The following RTL4 variants were observed in gnomAD, a reference collection of about 807,000 sequenced individuals.
RTL4 encodes retrotransposon Gag like 4, also known as retrotransposon Gag-like protein 4.
In RTL4, 4 loss-of-function variants were observed where a neutral mutation model predicts 5.3. The ratio of observed to expected loss-of-function variants is 0.75; its 90% CI spans 0.37 to 1.72. The LOEUF is 1.72. RTL4 is among the 40% of genes most tolerant of loss of function. RTL4 has a pLI of 0.04. For missense variants in RTL4, 260 were observed against 227.1 expected, an observed-to-expected ratio of 1.14 and a Z score of -0.93; for synonymous variants, 98 against 87.3, an observed-to-expected ratio of 1.12 and a Z score of -0.68.
chrX:112,281,498 A>T, the RTL4 span, among the ~76,000 whole-genome samples: 5 of 111,590 alleles, frequency 4.5e-5, no homozygotes, highest in Admixed American at 3.8e-4. Flanking sequence ...TCCTTTGGAC[A>T]TATACCCAGT....
At chrX:112,390,160 T>TATATATATATA in the RTL4 span, among the ~76,000 whole-genome samples, 4 of 56,220 alleles carry the variant, frequency 7.1e-5, no homozygotes, top group African/African-American at 1.4e-4. Context: ...TATATATATA[T>TATATATATATA]TTAGGATCGT....
the RTL4 span, among the ~76,000 whole-genome samples, chrX:112,148,396 C>A: frequency 1.9e-4 from 21 of 109,681 alleles, no homozygotes; most frequent in East Asian, 5.5e-3. Context: ...GAAATACAGG[C>A]AATAGCCTGC....
At chrX:112,150,693 G>C in the RTL4 span, among the ~76,000 whole-genome samples, 2 of 111,833 alleles carry the variant, frequency 1.8e-5, no homozygotes, top group Non-Finnish European at 3.8e-5. Flanking sequence ...TTGTTGCTTA[G>C]TATTTGCATA....
chrX:112,290,253 CG>C, the RTL4 span, among the ~76,000 whole-genome samples: 4 of 111,943 alleles, frequency 3.6e-5, no homozygotes, highest in African/African-American at 1.3e-4. Context: ...ATTTATAAAC[CG>C]GGGCTATATT....
the RTL4 span, among the ~76,000 whole-genome samples, chrX:112,138,340 A>G: frequency 1.8e-5 from 2 of 112,157 alleles, no homozygotes; most frequent in Admixed American, 1.9e-4. Flanking sequence ...CATAGTGTCT[A>G]TAGTTAGCAA....
chrX:112,284,858 G>A, the RTL4 span, among the ~76,000 whole-genome samples: 1 of 111,581 alleles, frequency 9.0e-6, no homozygotes, highest in East Asian at 2.8e-4. Context: ...ACGCTCTAGA[G>A]CCTTAATTCT....
At chrX:112,316,332 T>A in the RTL4 span, among the ~76,000 whole-genome samples, 1 of 111,995 alleles carries the variant, frequency 8.9e-6, no homozygotes, top group African/African-American at 3.2e-5. Context: ...TGTATTATTT[T>A]GAGAAGTGCA....
chrX:112,315,002 A>G, the RTL4 span, among the ~76,000 whole-genome samples: 1 of 111,890 alleles, frequency 8.9e-6, no homozygotes, highest in Admixed American at 9.5e-5. Context: ...ATCATAGCCC[A>G]TCATTGGCCA....
At chrX:112,352,558 C>A in the RTL4 span, among the ~76,000 whole-genome samples, 1 of 110,949 alleles carries the variant, frequency 9.0e-6, no homozygotes, top group Admixed American at 9.6e-5. Flanking sequence ...TTTGACAAAC[C>A]TGACAAAAAC....
At chrX:112,119,591 G>T in the RTL4 span, among the ~76,000 whole-genome samples, 10 of 111,773 alleles carry the variant, frequency 8.9e-5, no homozygotes, top group Non-Finnish European at 1.5e-4. Context: ...GGAAAAAATT[G>T]AGTGCCATTA....
chrX:112,381,833 C>A, the RTL4 span: 1 of 1,209,375 alleles, frequency 8.3e-7, no homozygotes, highest in Non-Finnish European at 1.1e-6. Flanking sequence ...TCAGCTCCTC[C>A]AGGAGAAAAG....
At chrX:112,450,914 AT>A (rs896163117), upstream of RTL4, among the ~76,000 whole-genome samples, 1 of 111,480 alleles carries the variant, frequency 9.0e-6, no homozygotes, top group East Asian at 2.8e-4. Flanking sequence ...AATGGAAGCA[AT>A]TTTTTTTCAT....
chrX:112,222,584 A>T, the RTL4 span, among the ~76,000 whole-genome samples: 2 of 109,594 alleles, frequency 1.8e-5, no homozygotes, highest in Non-Finnish European at 3.8e-5. Context: ...AAAAAAAAAA[A>T]TAGCTGGGTG....
At chrX:112,452,024 A>C (rs1926745369), upstream of RTL4, among the ~76,000 whole-genome samples, 1 of 108,104 alleles carries the variant, frequency 9.3e-6, no homozygotes, top group Non-Finnish European at 1.9e-5. Flanking sequence ...ATTGCTAGGG[A>C]TTGGGTCTGA....
chrX:112,151,259 G>A, the RTL4 span, among the ~76,000 whole-genome samples: 1 of 112,033 alleles, frequency 8.9e-6, no homozygotes, highest in Non-Finnish European at 1.9e-5. Context: ...TTGTCTAGAA[G>A]CTTCCTTTTT....
chrX:112,216,338 G>T, the RTL4 span, among the ~76,000 whole-genome samples: 2 of 111,555 alleles, frequency 1.8e-5, no homozygotes, highest in Non-Finnish European at 3.8e-5. Flanking sequence ...ATAGAAGTGT[G>T]GTTTTCATAA....
the RTL4 span, among the ~76,000 whole-genome samples, chrX:112,407,285 G>A: frequency 9.0e-6 from 1 of 110,967 alleles, no homozygotes; most frequent in African/African-American, 3.3e-5. Context: ...CTCTGAAGGG[G>A]AGTCCCAGGC....
At chrX:112,201,891 G>A in the RTL4 span, among the ~76,000 whole-genome samples, 1 of 111,048 alleles carries the variant, frequency 9.0e-6, no homozygotes, top group Admixed American at 9.6e-5. Context: ...AACATGTCAC[G>A]CCAGGAAATT....
the RTL4 span, among the ~76,000 whole-genome samples, chrX:112,310,413 TA>T: frequency 4.6e-4 from 11 of 23,659 alleles, no homozygotes; most frequent in East Asian, 0.016. Context: ...TATATATATA[TA>T]TTTAATATAA....
Sources: allele counts gnomAD v4.1 joint callset (sites outside exome capture counted in the v4.1 genomes callset), GRCh38; gene constraint gnomAD v4.1.1; transcripts MANE v1.5; gene names NCBI Gene and HGNC (gene_info 2026-07-23, HGNC 2026-07-21).